Variants in TMEM131L observed in about 807,000 individuals in gnomAD.
TMEM131L encodes the protein transmembrane 131 like.
A neutral mutation model predicts 192.2 loss-of-function variants in TMEM131L; 54 were observed. That is an observed-to-expected ratio of 0.28 (90% CI 0.23 to 0.35). TMEM131L has a LOEUF of 0.35. TMEM131L is among the 10% of genes least tolerant of loss of function. The probability of loss-of-function intolerance (pLI) is 1.00; values close to 1 mark genes in which losing one functional copy is unlikely to be tolerated. For missense variants in TMEM131L, 1,888 were observed against 1,972.9 expected, an observed-to-expected ratio of 0.96 and a Z score of 0.82; for synonymous variants, 701 against 704.9, an observed-to-expected ratio of 0.99 and a Z score of 0.09.
intron 3 of TMEM131L, among the ~76,000 whole-genome samples, chr4:153,546,436 C>T (rs1295842686): frequency 6.6e-6 from 1 of 151,924 alleles, no homozygotes; most frequent in Non-Finnish European, 1.5e-5. Context: ...TGCTGACTTT[C>T]GCAAGAAAGG....
chr4:153,598,840 A>G (rs984915793), intron 21 of TMEM131L, 108 bp downstream of exon 21: 1 of 898,074 alleles, frequency 1.1e-6, no homozygotes, highest in Non-Finnish European at 1.5e-6. Flanking sequence ...AAATTTTTAA[A>G]TTCTAAAAAT....
intron 28 of TMEM131L, among the ~76,000 whole-genome samples, chr4:153,622,106 G>A (rs1023213113): frequency 6.6e-6 from 1 of 152,190 alleles, no homozygotes; most frequent in African/African-American, 2.4e-5. Flanking sequence ...ATTGCTGAAG[G>A]AATGATGCTT....
chr4:153,538,159 G>C (rs975684535), intron 3 of TMEM131L, among the ~76,000 whole-genome samples: 1 of 152,192 alleles, frequency 6.6e-6, no homozygotes, highest in Non-Finnish European at 1.5e-5. Flanking sequence ...AAATGGCAGT[G>C]GTTCTTATTG....
At chr4:153,590,327 A>G (rs1730982434) in intron 16 of TMEM131L, among the ~76,000 whole-genome samples, 4 of 152,222 alleles carry the variant, frequency 2.6e-5, no homozygotes. Context: ...GTTTCTGGCA[A>G]GAATATGAGT....
intron 29 of TMEM131L, among the ~76,000 whole-genome samples, chr4:153,624,963 G>A (rs1291292762): frequency 2.6e-5 from 4 of 152,186 alleles, no homozygotes; most frequent in African/African-American, 7.2e-5. Flanking sequence ...GCAGTTCTCC[G>A]CGTTTTCAGT....
chr4:153,486,033 G>A (rs1230419562), intron 3 of TMEM131L, among the ~76,000 whole-genome samples: 2 of 152,236 alleles, frequency 1.3e-5, no homozygotes, highest in Non-Finnish European at 2.9e-5. Flanking sequence ...GGAGTGGAAA[G>A]CCACTTTCCC....
chr4:153,507,767 T>C (rs1239023361), intron 3 of TMEM131L, among the ~76,000 whole-genome samples: 11 of 151,974 alleles, frequency 7.2e-5, no homozygotes, highest in South Asian at 2.1e-4. Context: ...GTGTGGGTGA[T>C]TTCAGAGGCA....
chr4:153,480,517 CAAAAA>C (rs1157080931), intron 3 of TMEM131L, among the ~76,000 whole-genome samples: 542 of 50,746 alleles, frequency 0.011, 2 homozygotes, highest in African/African-American at 0.04. Flanking sequence ...GACTCCATCT[CAAAAA>C]AAAAAAAAAA....
intron 3 of TMEM131L, among the ~76,000 whole-genome samples, chr4:153,494,118 A>G (rs76341147): frequency 6.6e-6 from 1 of 151,970 alleles, no homozygotes; most frequent in Non-Finnish European, 1.5e-5. Context: ...CTCATCTGTA[A>G]AAGTGGGCCA....
intron 7 of TMEM131L, among the ~76,000 whole-genome samples, chr4:153,576,386 A>G (rs1729943062): frequency 6.6e-6 from 1 of 152,260 alleles, no homozygotes. Context: ...AATATGTCCT[A>G]CAACAAAAGA....
chr4:153,474,652 T>TCC (rs1731399213), intron 3 of TMEM131L, among the ~76,000 whole-genome samples: 1 of 152,118 alleles, frequency 6.6e-6, no homozygotes, highest in South Asian at 2.1e-4. Flanking sequence ...GCCTCCTGGG[T>TCC]TCAAGCAATT....
intron 3 of TMEM131L, among the ~76,000 whole-genome samples, chr4:153,518,704 G>C (rs914543325): frequency 6.6e-6 from 1 of 152,136 alleles, no homozygotes; most frequent in South Asian, 2.1e-4. Flanking sequence ...ATAATGATAG[G>C]CTCTCGTATA....
chr4:153,483,495 G>C (rs774664081), intron 3 of TMEM131L, among the ~76,000 whole-genome samples: 6 of 152,018 alleles, frequency 3.9e-5, no homozygotes, highest in Non-Finnish European at 8.8e-5. Context: ...TCAGGAGTTC[G>C]ATAGCAGCGT....
chr4:153,544,120 T>C lies in TMEM131L; in HGVS notation c.240-5953T>C, dbSNP rs372376200. Among the ~76,000 whole-genome samples, 149 of 152,076 alleles carry C rather than the reference T, an allele frequency of 9.8e-4. 1 individual carries two copies. The highest frequency in any genetic ancestry group is 3.5e-3 in the African/African-American group (143 of 41,356). Reference sequence around the variant, plus strand: ...TTGTTTTTGAAACACCCACTGTCCTTTCAGGTGTTGGAAGAGTTTGCATCT... The same window carrying C: ...TTGTTTTTGAAACACCCACTGTCCTCTCAGGTGTTGGAAGAGTTTGCATCT... On this transcript the variant is annotated intron_variant, in intron 3 of 34. Transcript: ENST00000409959.
At chr4:153,616,137 A>G (rs758676831) in intron 26 of TMEM131L, among the ~76,000 whole-genome samples, 1 of 152,080 alleles carries the variant, frequency 6.6e-6, no homozygotes, top group Non-Finnish European at 1.5e-5. Flanking sequence ...TAATGGTGGC[A>G]TTGGGTTCAC....
intron 3 of TMEM131L, among the ~76,000 whole-genome samples, chr4:153,509,958 T>C (rs1030625478): frequency 3.3e-5 from 5 of 152,200 alleles, no homozygotes; most frequent in African/African-American, 1.2e-4. Flanking sequence ...ACATGAAATA[T>C]GATCTGTCAG....
chr4:153,470,499 T>C (rs1298843230), intron 2 of TMEM131L, among the ~76,000 whole-genome samples: 1 of 152,206 alleles, frequency 6.6e-6, no homozygotes, highest in Admixed American at 6.5e-5. Context: ...ACATACAAAC[T>C]GTATATCCAT....
intron 3 of TMEM131L, among the ~76,000 whole-genome samples, chr4:153,491,861 C>T (rs959669133): frequency 3.9e-5 from 6 of 152,072 alleles, no homozygotes; most frequent in Non-Finnish European, 7.4e-5. Context: ...CACTTGCCAC[C>T]GTGTCTGGCT....
At chr4:153,572,397 C>G (rs1729647088) in intron 7 of TMEM131L, among the ~76,000 whole-genome samples, 1 of 152,164 alleles carries the variant, frequency 6.6e-6, no homozygotes, top group Admixed American at 6.5e-5. Context: ...GTGGCGTGAT[C>G]TCGGCTCACT....
Sources: gnomAD v4.1 joint callset for allele counts (sites outside exome capture counted in the v4.1 genomes callset) on GRCh38, gnomAD v4.1.1 for gene constraint, MANE v1.5 for transcripts, NCBI Gene and HGNC (gene_info 2026-07-23, HGNC 2026-07-21) for gene names.